MBD2: variants seen among roughly 807,000 people sequenced by gnomAD.
MBD2 encodes the protein methyl-CpG binding domain protein 2.
A neutral mutation model predicts 39.3 loss-of-function variants in MBD2; 9 were observed. The observed-to-expected ratio is 0.23, with a 90% CI of 0.14 to 0.40. The LOEUF is 0.40. Among genes scored for constraint, MBD2 ranks in the 10% least tolerant of loss-of-function variants. The pLI is 1.00. For missense variants in MBD2, 458 were observed against 532.6 expected (o/e 0.86, Z 1.38); for synonymous variants, 233 against 211.1 (o/e 1.10, Z -0.90).
intron 2 of MBD2, among the ~76,000 whole-genome samples, chr18:54,192,047 A>G (rs958408639): frequency 6.6e-6 from 1 of 152,218 alleles, no homozygotes; most frequent in African/African-American, 2.4e-5. Flanking sequence ...ATGCAAAGAA[A>G]GTTTGAACAC....
At chr18:54,180,901 T>TG (rs2086247001) in intron 3 of MBD2, among the ~76,000 whole-genome samples, 1 of 41,796 alleles carries the variant, frequency 2.4e-5, no homozygotes, top group Non-Finnish European at 4.6e-5. Context: ...TTTTTTCTTT[T>TG]TCTTTTTTTT....
chr18:54,215,633 T>G (rs1390421566), intron 1 of MBD2, among the ~76,000 whole-genome samples: 1 of 151,672 alleles, frequency 6.6e-6, no homozygotes, highest in African/African-American at 2.4e-5. Context: ...GTAGCTGGGA[T>G]TACAGACACA....
chr18:54,174,182 C>T (rs915933069), intron 3 of MBD2, among the ~76,000 whole-genome samples: 2 of 152,320 alleles, frequency 1.3e-5, no homozygotes, highest in African/African-American at 4.8e-5. Flanking sequence ...TAGAAACACC[C>T]TAGTTGTGAC....
intron 2 of MBD2, 123 bp from the exon 3 acceptor site, chr18:54,189,134 AT>A: frequency 1.7e-6 from 1 of 584,840 alleles, no homozygotes; most frequent in Non-Finnish European, 2.8e-6. Flanking sequence ...CTATCGCAGC[AT>A]TTTAAATACT....
At chr18:54,179,606 A>G (rs2086235473) in intron 3 of MBD2, among the ~76,000 whole-genome samples, 1 of 152,218 alleles carries the variant, frequency 6.6e-6, no homozygotes, top group South Asian at 2.1e-4. Context: ...AATATGATAC[A>G]CTTTATTAAC....
At chr18:54,200,045 A>T (rs950804467) in intron 2 of MBD2, among the ~76,000 whole-genome samples, 1 of 152,236 alleles carries the variant, frequency 6.6e-6, no homozygotes, top group Non-Finnish European at 1.5e-5. Context: ...GTGTGTATTT[A>T]TACTCACAAA....
chr18:54,157,169 T>C (rs185413909), intron 6 of MBD2, among the ~76,000 whole-genome samples: 1 of 152,248 alleles, frequency 6.6e-6, no homozygotes, highest in East Asian at 1.9e-4. Flanking sequence ...CCTTGCCAGC[T>C]TGGAAAACAA....
intron 5 of MBD2, among the ~76,000 whole-genome samples, chr18:54,161,642 T>C (rs556702889): frequency 6.6e-6 from 1 of 152,252 alleles, no homozygotes; most frequent in Non-Finnish European, 1.5e-5. Flanking sequence ...ACATTTGCCA[T>C]TGATTTTCTT....
intron 2 of MBD2, among the ~76,000 whole-genome samples, chr18:54,190,807 G>C (rs1057301104): frequency 6.6e-6 from 1 of 152,054 alleles, no homozygotes; most frequent in Non-Finnish European, 1.5e-5. Flanking sequence ...TTTTAAAGGA[G>C]ACTTAACACT....
chr18:54,224,545 C>T lies in MBD2; in HGVS notation c.15G>A (p.Pro5=), dbSNP rs778818524. Residue 5 remains proline (P), a synonymous_variant, in exon 1 of 7, where the codon CCG becomes CCA. Coordinates refer to ENST00000256429, the MANE Select transcript of MBD2 (RefSeq NM_003927.5). The part of the protein sequence containing the change: MRAH[P]GGGRCCPEQE... ...GCTCCGGGCAGCAGCGGCCTCCCCCCGGGTGCGCGCGCATCCAGCCCCCTC... is the reference window on the plus strand; with the variant it reads ...GCTCCGGGCAGCAGCGGCCTCCCCCTGGGTGCGCGCGCATCCAGCCCCCTC... The T allele has an allele frequency of 1.1e-5, 13 of 1,229,522 alleles. No individual in the cohort carries two copies. The highest frequency in any genetic ancestry group is 1.3e-5 in the Non-Finnish European group (13 of 986,394). 76.2% of individuals were successfully genotyped at this position (1,229,522 alleles called of 1,614,324 possible).
chr18:54,200,756 G>C (rs1437193817), intron 2 of MBD2, among the ~76,000 whole-genome samples: 1 of 150,798 alleles, frequency 6.6e-6, no homozygotes, highest in African/African-American at 2.5e-5. Flanking sequence ...TAGTGACTAG[G>C]TACATCTGGC....
intron 1 of MBD2, among the ~76,000 whole-genome samples, chr18:54,215,196 T>C (rs745685534): frequency 1.3e-5 from 2 of 152,116 alleles, no homozygotes; most frequent in African/African-American, 2.4e-5. Flanking sequence ...ACAACCAAAG[T>C]GTGGTCTGTG....
intron 3 of MBD2, among the ~76,000 whole-genome samples, chr18:54,168,853 A>G (rs540837171): frequency 6.6e-6 from 1 of 151,986 alleles, no homozygotes; most frequent in Non-Finnish European, 1.5e-5. Context: ...CAGGCGGTAA[A>G]TGTCTGTTTA....
chr18:54,155,850 T>C (rs2086048121), intron 6 of MBD2, among the ~76,000 whole-genome samples: 1 of 152,240 alleles, frequency 6.6e-6, no homozygotes, highest in Admixed American at 6.5e-5. Context: ...ATATCCTATC[T>C]CATGTATAGC....
At chr18:54,203,028 G>A in intron 2 of MBD2, 1 of 1,244,142 alleles carries the variant, frequency 8.0e-7, no homozygotes, top group Non-Finnish European at 1.2e-6. Flanking sequence ...ATTCCAAGCA[G>A]AGCAAACAGC....
intron 3 of MBD2, among the ~76,000 whole-genome samples, chr18:54,170,001 G>A (rs1568080413): frequency 1.3e-5 from 2 of 152,176 alleles, no homozygotes; most frequent in African/African-American, 4.8e-5. Flanking sequence ...GTCCTATCCA[G>A]GAAACCAGCT....
intron 2 of MBD2, among the ~76,000 whole-genome samples, chr18:54,196,064 A>C (rs2086364017): frequency 6.6e-6 from 1 of 152,166 alleles, no homozygotes; most frequent in African/African-American, 2.4e-5. Flanking sequence ...TAATTAATAT[A>C]ATTCACATAC....
chr18:54,204,935 T>C, intron 2 of MBD2, 63 bp downstream of exon 2: 3 of 1,504,870 alleles, frequency 2.0e-6, no homozygotes, highest in Admixed American at 1.8e-5. Flanking sequence ...TTAATTATGA[T>C]GTGAGATACT....
intron 1 of MBD2, among the ~76,000 whole-genome samples, chr18:54,205,501 G>C (rs1255376589): frequency 1.3e-5 from 2 of 149,670 alleles, no homozygotes; most frequent in Non-Finnish European, 3.0e-5. Context: ...TGAGGCAGGA[G>C]AATCGCTTGA....
Sources: allele counts gnomAD v4.1 joint callset (sites outside exome capture counted in the v4.1 genomes callset), GRCh38; gene constraint gnomAD v4.1.1; transcripts MANE v1.5; gene names NCBI Gene and HGNC (gene_info 2026-07-23, HGNC 2026-07-21).